The following FAM83F variants were observed in gnomAD, a reference collection of about 807,000 sequenced individuals.
FAM83F encodes scaffolding CK1 anchoring protein F.
FAM83F carries 45 observed loss-of-function variants against 42.9 expected under a neutral mutation model. That is an observed-to-expected ratio of 1.05 (90% CI 0.83 to 1.35). The LOEUF is 1.35. Among genes scored for constraint, FAM83F ranks in the 40% most tolerant of loss-of-function variants. The probability of loss-of-function intolerance (pLI) is 0.00; values close to 1 mark genes in which losing one functional copy is unlikely to be tolerated. For missense variants in FAM83F, 617 were observed against 695.9 expected, an observed-to-expected ratio of 0.89 and a Z score of 1.28; for synonymous variants, 306 against 298.3, an observed-to-expected ratio of 1.03 and a Z score of -0.27.
intron 4 of FAM83F, among the ~76,000 whole-genome samples, chr22:40,026,321 T>G (rs547658868): frequency 6.6e-6 from 1 of 152,138 alleles, no homozygotes; most frequent in East Asian, 1.9e-4. Flanking sequence ...GAGATCGAGA[T>G]CATCCTGGCT....
At chr22:39,999,514 T>A (rs1374241011) in intron 1 of FAM83F, among the ~76,000 whole-genome samples, 2 of 152,176 alleles carry the variant, frequency 1.3e-5, no homozygotes, top group Non-Finnish European at 2.9e-5. Flanking sequence ...TCACAAACTG[T>A]CCAATCTCCT....
Position 40,023,867 on chromosome 22 carries a change from C to T in FAM83F, c.1453+1904C>T, listed in dbSNP as rs2067535697. Among the ~76,000 whole-genome samples, 2 of 152,174 alleles carry T rather than the reference C, an allele frequency of 1.3e-5. No individual in the cohort carries two copies. Among genetic ancestry groups the T allele is most frequent in the South Asian group, 2.1e-4 (1 of 4,828 alleles). On this transcript the variant is annotated intron_variant, in intron 4 of 4. Coordinates refer to ENST00000333407, the MANE Select transcript of FAM83F (RefSeq NM_138435.4). The surrounding 1 kb of genome is among the most constrained non-coding windows in gnomAD (Gnocchi z 4.1). ...AACCATCATCCCGTTCCTTGTCCGT[C>T]CTTTAGACGAACACAGAGCAGCCTC...
At chr22:40,026,395 C>T (rs193090401) in intron 4 of FAM83F, among the ~76,000 whole-genome samples, 1 of 152,266 alleles carries the variant, frequency 6.6e-6, no homozygotes, top group African/African-American at 2.4e-5. Flanking sequence ...TGGCACTTGC[C>T]TGTAGTCCCA....
chr22:40,008,406 C>T (rs1053750318), intron 1 of FAM83F, among the ~76,000 whole-genome samples: 1 of 152,218 alleles, frequency 6.6e-6, no homozygotes, highest in African/African-American at 2.4e-5. Flanking sequence ...TCGCTCACAG[C>T]AGGACAAGTA....
chr22:40,023,150 C>A lies in FAM83F; in HGVS notation c.1453+1187C>A, dbSNP rs737815. ...GGTCCTGCACAGGCACTCTCTCTCC[C>A]CTTCTGCCCCCACAACCACCCTTCA... On this transcript the variant is annotated intron_variant, in intron 4 of 4. Coordinates refer to ENST00000333407, the MANE Select transcript of FAM83F (RefSeq NM_138435.4). The surrounding 1 kb of genome is among the most constrained non-coding windows in gnomAD (Gnocchi z 4.1). Among the ~76,000 whole-genome samples the A allele has an allele frequency of 2.6e-5, 4 of 152,244 alleles. No individual in the cohort carries two copies. The South Asian group carries it at 8.3e-4, about 32-fold the overall frequency.
intron 1 of FAM83F, among the ~76,000 whole-genome samples, chr22:40,009,122 C>G (rs142750521): frequency 3.3e-4 from 50 of 152,330 alleles, no homozygotes; most frequent in African/African-American, 1.1e-3. Context: ...TCATCCGAGC[C>G]TTCCAACAGC....
At chr22:40,010,759 C>T (rs771202760) in intron 1 of FAM83F, among the ~76,000 whole-genome samples, 25 of 152,158 alleles carry the variant, frequency 1.6e-4, no homozygotes, top group Admixed American at 1.4e-3. Context: ...CTAGACAGCT[C>T]GTGGGAGATA....
chr22:40,027,369 G>A, intron 4 of FAM83F, among the ~76,000 whole-genome samples: 1 of 152,126 alleles, frequency 6.6e-6, no homozygotes, highest in African/African-American at 2.4e-5. Context: ...CAGCAAACCA[G>A]ACTGACTGCA....
intron 1 of FAM83F, among the ~76,000 whole-genome samples, chr22:40,010,730 G>A (rs1279281204): frequency 6.6e-6 from 1 of 152,238 alleles, no homozygotes; most frequent in Non-Finnish European, 1.5e-5. Flanking sequence ...TCAGAAATGA[G>A]AGGACAGTGA....
intron 1 of FAM83F, among the ~76,000 whole-genome samples, chr22:40,009,529 A>G (rs1174349742): frequency 1.3e-5 from 2 of 152,208 alleles, no homozygotes; most frequent in African/African-American, 4.8e-5. Context: ...AAAGGAGGAG[A>G]GTCCGAGCTG....
chr22:40,029,767 T>A lies in FAM83F; in HGVS notation c.*202T>A, dbSNP rs184117296. 2.8e-3 allele frequency: 1,946 copies of A among 699,518 alleles called. 46 individuals carry two copies. The East Asian group carries it at 0.046, about 17-fold the overall frequency. 43.3% of individuals were successfully genotyped at this position (699,518 alleles called of 1,614,324 possible). On this transcript the variant is annotated 3_prime_UTR_variant, in exon 5 of 5. Coordinates refer to ENST00000333407, the MANE Select transcript of FAM83F (RefSeq NM_138435.4). ...TCTCAGTCACACGCCTCCACCGGAC[T>A]GTCGGTGGCTGGGCAGGGGTCAGTG... is the stretch of plus-strand genomic sequence containing the variant.
In FAM83F at chr22:40,023,673, C is replaced by T. The variant is rs2067534651; in HGVS notation, c.1453+1710C>T. ...CTCGGGTGGTCACGGCGGCCCTGCC[C>T]CTGCTGCCGCTCTCTGGTGTCTGCA... is the stretch of plus-strand genomic sequence containing the variant. On this transcript the variant is annotated intron_variant, in intron 4 of 4. Transcript: ENST00000333407. The surrounding 1 kb of genome is among the most constrained non-coding windows in gnomAD (Gnocchi z 4.1). Among the ~76,000 whole-genome samples, 1 of 152,194 alleles carries T rather than the reference C, an allele frequency of 6.6e-6. No individual in the cohort carries two copies. Among genetic ancestry groups the T allele is most frequent in the Non-Finnish European group, 1.5e-5 (1 of 68,030 alleles).
intron 1 of FAM83F, among the ~76,000 whole-genome samples, chr22:40,014,881 C>G (rs2067485474): frequency 1.3e-5 from 2 of 152,150 alleles, no homozygotes; most frequent in East Asian, 3.8e-4. Context: ...GACTTTGCCC[C>G]CTATGTGTTT....
At chr22:40,004,502 C>T (rs2067418423) in intron 1 of FAM83F, among the ~76,000 whole-genome samples, 1 of 152,048 alleles carries the variant, frequency 6.6e-6, no homozygotes, top group Admixed American at 6.6e-5. Flanking sequence ...GTGGTTTCAC[C>T]ATGTTGCCCA....
At chr22:39,997,665 T>C (rs966059175) in intron 1 of FAM83F, among the ~76,000 whole-genome samples, 1 of 152,118 alleles carries the variant, frequency 6.6e-6, no homozygotes, top group African/African-American at 2.4e-5. Context: ...GGGCACTGTT[T>C]CAGTAAGAGA....
At chr22:40,016,734 G>A (rs995089528) in intron 1 of FAM83F, among the ~76,000 whole-genome samples, 9 of 151,944 alleles carry the variant, frequency 5.9e-5, no homozygotes, top group African/African-American at 2.2e-4. Flanking sequence ...CACAATCTTG[G>A]CTCACTGCAA....
At chr22:40,004,826 C>T (rs968710610) in intron 1 of FAM83F, among the ~76,000 whole-genome samples, 1 of 152,164 alleles carries the variant, frequency 6.6e-6, no homozygotes, top group South Asian at 2.1e-4. Context: ...GGTCACACCA[C>T]CAGTAAATAG....
At chr22:40,027,851 C>T (rs555464272) in intron 4 of FAM83F, among the ~76,000 whole-genome samples, 3 of 151,630 alleles carry the variant, frequency 2.0e-5, no homozygotes, top group Admixed American at 6.6e-5. Context: ...CAGCTACCCC[C>T]ACCACCACCC....
chr22:40,028,558 T>C (rs1412436332), intron 4 of FAM83F, among the ~76,000 whole-genome samples: 1 of 151,928 alleles, frequency 6.6e-6, no homozygotes, highest in Admixed American at 6.6e-5. Flanking sequence ...GGCCTGCAGG[T>C]GTCAGGCCTG....
Sources: allele counts gnomAD v4.1 joint callset (sites outside exome capture counted in the v4.1 genomes callset), GRCh38; gene constraint gnomAD v4.1.1; non-coding constraint Gnocchi (gnomAD v3.1); transcripts MANE v1.5; gene names NCBI Gene and HGNC (gene_info 2026-07-23, HGNC 2026-07-21).